CCND2: variants seen among roughly 807,000 people sequenced by gnomAD.
CCND2 encodes G1/S-specific cyclin-D2.
Under a neutral mutation model 30.2 loss-of-function variants are expected in CCND2, and 6 were observed. The ratio of observed to expected loss-of-function variants is 0.20; its 90% CI spans 0.11 to 0.39. The LOEUF (loss-of-function observed/expected upper bound fraction) is 0.39. Ranked by LOEUF, CCND2 falls within the 10% of genes least tolerant of loss-of-function variation. The pLI, the probability that CCND2 is intolerant of heterozygous loss-of-function variation, is 1.00. For synonymous variants in CCND2, 150 were observed against 153.1 expected (o/e 0.98, Z 0.15); for missense variants, 235 against 373.4 (o/e 0.63, Z 3.06).
chr12:4,283,395 A>G (rs1863979457), intron 3 of CCND2, among the ~76,000 whole-genome samples: 1 of 152,162 alleles, frequency 6.6e-6, no homozygotes, highest in Non-Finnish European at 1.5e-5. Context: ...CCTGAGTGGT[A>G]TATGGGAGGT....
At chr12:4,278,412 G>A (rs1463222454) in intron 2 of CCND2, among the ~76,000 whole-genome samples, 5 of 152,108 alleles carry the variant, frequency 3.3e-5, no homozygotes, top group African/African-American at 1.2e-4. Flanking sequence ...GTATCTCATT[G>A]TAGGTTCAGC....
rs1017941188 is a variant in CCND2, at chr12:4,300,340, C to A, written c.*331C>A. On this transcript the variant is annotated 3_prime_UTR_variant, in exon 5 of 5. Transcript: ENST00000261254. Reference sequence around the variant, plus strand: ...AATATGTATGCCTGCAATATGGGAACAAATTAGAGGAGACTTTTTTTTTTC... The same window carrying A: ...AATATGTATGCCTGCAATATGGGAAAAAATTAGAGGAGACTTTTTTTTTTC... The A allele has an allele frequency of 1.1e-5, 3 of 279,284 alleles. No homozygotes were observed. Among genetic ancestry groups the A allele is most frequent in the African/African-American group, 4.3e-5 (2 of 46,810 alleles). 17.3% of individuals were successfully genotyped at this position (279,284 alleles called of 1,614,324 possible).
chr12:4,278,005 T>TC (rs2076234820), intron 2 of CCND2, among the ~76,000 whole-genome samples: 1 of 152,210 alleles, frequency 6.6e-6, no homozygotes, highest in African/African-American at 2.4e-5. Context: ...GGTTGTGTGG[T>TC]CCCCACACTT....
chr12:4,285,319 G>A lies in CCND2; in HGVS notation c.572-3523G>A. 2.0e-6 allele frequency: 2 copies of A among 985,444 alleles called. No individual in the cohort carries two copies. The highest frequency in any genetic ancestry group is 2.4e-6 in the Non-Finnish European group (2 of 829,942). 61.0% of individuals were successfully genotyped at this position (985,444 alleles called of 1,614,324 possible). ...TCACCAGCATCTCACCTCTCCAGGTGGGCAATTAACGATGGCGAGGGCACA... is the reference window on the plus strand; with the variant it reads ...TCACCAGCATCTCACCTCTCCAGGTAGGCAATTAACGATGGCGAGGGCACA... On this transcript the variant is annotated intron_variant, in intron 3 of 4. Coordinates refer to ENST00000261254, the MANE Select transcript of CCND2 (RefSeq NM_001759.4). The surrounding 1 kb of genome is among the most constrained non-coding windows in gnomAD (Gnocchi z 4.1).
Position 4,273,856 on chromosome 12 carries a change from C to T in CCND2, c.-185C>T. 2 of 634,772 alleles carry T rather than the reference C, an allele frequency of 3.2e-6. No individual in the cohort carries two copies. The highest frequency in any genetic ancestry group is 3.9e-5 in the South Asian group (2 of 51,602). The allele number at this position is 634,772 out of a possible 1,614,324, so 39.3% of individuals were successfully genotyped here. On this transcript the variant is annotated 5_prime_UTR_variant, in exon 1 of 5. Transcript: ENST00000261254. This position sits in a 1 kb window ranked among gnomAD's most constrained non-coding sequence, Gnocchi z 5.9. Reference sequence around the variant, plus strand: ...CCCCGAGGCTCTGCTCGCCCACCACCCAATCCTCGCCTCCCTTCTGCTCCA... The same window carrying T: ...CCCCGAGGCTCTGCTCGCCCACCACTCAATCCTCGCCTCCCTTCTGCTCCA...
chr12:4,275,220 C>T (rs1486073999), intron 1 of CCND2: 2 of 151,990 alleles, frequency 1.3e-5, no homozygotes, highest in South Asian at 2.1e-4. Flanking sequence ...GGGCCGCAGC[C>T]GGACACTCCC....
rs994335513 is a variant in CCND2, at chr12:4,293,398, TTAAAAAC to T, written c.720+4409_720+4415del. On this transcript the variant is annotated intron_variant, in intron 4 of 4. Transcript: ENST00000261254. This position sits in a 1 kb window ranked among gnomAD's most constrained non-coding sequence, Gnocchi z 4.9. The stretch of plus-strand genomic sequence containing the variant: ...ACATCAAAACTCTTTGTCACATTCT[TTAAAAAC>T]AAAAAGCAAAAAACAAAACTTTAGA... Among the ~76,000 whole-genome samples the T allele has an allele frequency of 5.3e-5, 8 of 152,312 alleles. No individual in the cohort carries two copies. The East Asian group carries it at 1.5e-3, about 29-fold the overall frequency.
In CCND2 at chr12:4,276,118, T is replaced by A; in HGVS notation, c.309T>A (p.Ala103=). 6.2e-7 allele frequency: 1 copy of A among 1,614,202 alleles called. No individual in the cohort carries two copies. Among genetic ancestry groups the A allele is most frequent in the Non-Finnish European group, 8.5e-7 (1 of 1,180,040 alleles). ...TPKSHLQLLG[A]VCMFLASKLK... is the part of the protein sequence containing the mutation. ...AGTCCCATCTGCAACTCCTGGGTGC[T>A]GTCTGCATGTTCCTGGCCTCCAAAC... Residue 103 remains alanine (A), a synonymous_variant, in exon 2 of 5, where the codon GCT becomes GCA. Transcript: ENST00000261254. This position sits in a 1 kb window ranked among gnomAD's most constrained non-coding sequence, Gnocchi z 4.8.
At position 4,278,923 on chromosome 12, in the gene CCND2, A is replaced by AGATGAGGT. The variant is rs1421286619; in HGVS notation, c.571+11_571+12insTGATGAGG. 6 of 1,607,446 alleles carry AGATGAGGT rather than the reference A, an allele frequency of 3.7e-6. No homozygotes were observed. The East Asian group carries it at 1.3e-4, about 36-fold the overall frequency. On this transcript the variant is annotated splice_donor_region_variant and intron_variant, in intron 3 of 4. Transcript: ENST00000261254. The stretch of plus-strand genomic sequence containing the variant: ...TTCATTGCTCTGTGTGCCACCGGTA[A>AGATGAGGT]GATGAGGCTTGAGCCGGGGAGGGAG...
At position 4,285,662 on chromosome 12, in the gene CCND2, G is replaced by A. The variant is rs559843469; in HGVS notation, c.572-3180G>A. On this transcript the variant is annotated intron_variant, in intron 3 of 4. Coordinates refer to ENST00000261254, the MANE Select transcript of CCND2 (RefSeq NM_001759.4). The surrounding 1 kb of genome is among the most constrained non-coding windows in gnomAD (Gnocchi z 4.1). ...GATATTGTGACCATTTCTCCATCCT[G>A]TCATAGCGACAAAGCTGATGGTTTC... Among the ~76,000 whole-genome samples, 14 of 152,296 alleles carry A rather than the reference G, an allele frequency of 9.2e-5. 1 individual carries two copies. The South Asian group carries it at 2.9e-3, about 32-fold the overall frequency.
intron 4 of CCND2, among the ~76,000 whole-genome samples, chr12:4,291,475 T>C (rs1372911343): frequency 1.3e-5 from 2 of 152,072 alleles, no homozygotes; most frequent in African/African-American, 4.8e-5. Context: ...GAAGTTGGGG[T>C]GGATGGTGGC....
intron 4 of CCND2, among the ~76,000 whole-genome samples, chr12:4,292,083 A>G (rs1321522233): frequency 6.6e-6 from 1 of 152,208 alleles, no homozygotes; most frequent in Non-Finnish European, 1.5e-5. Context: ...TGTACATTTA[A>G]AAGTGGCTGA....
intron 4 of CCND2, among the ~76,000 whole-genome samples, chr12:4,291,680 G>A (rs1261322065): frequency 1.3e-5 from 2 of 152,128 alleles, no homozygotes; most frequent in South Asian, 2.1e-4. Flanking sequence ...GTAGAATGCC[G>A]GCCTCCCAGC....
At chr12:4,278,662 G>A (rs933435181) in intron 2 of CCND2, 98 bp from the exon 3 acceptor site, 17 of 1,166,804 alleles carry the variant, frequency 1.5e-5, no homozygotes, top group East Asian at 2.4e-5. Context: ...CCTAATGAGC[G>A]GCCTTAAAAC....
intron 3 of CCND2, among the ~76,000 whole-genome samples, chr12:4,283,225 C>A (rs3217827): frequency 0.43 from 64,642 of 152,076 alleles, 14,312 homozygotes; most frequent in Middle Eastern, 0.56. Flanking sequence ...GGGAGCCCAG[C>A]GGGACCCCCA....
At position 4,299,935 on chromosome 12, in the gene CCND2, C is replaced by T. The variant is rs1487732338; in HGVS notation, c.796C>T (p.Arg266Cys). 3 of 1,614,136 alleles carry T rather than the reference C, an allele frequency of 1.9e-6. No homozygotes were observed. The highest frequency in any genetic ancestry group is 3.3e-5 in the Admixed American group (2 of 60,028). Residue 266 changes from arginine (R) to cysteine (C), a missense_variant, in exon 5 of 5, where the codon CGT becomes TGT. Around this residue, in one of 2 missense-constraint regions of CCND2, gnomAD observed 57 missense variants for 50.7 expected, o/e 1.12. Coordinates refer to ENST00000261254, the MANE Select transcript of CCND2 (RefSeq NM_001759.4). The surrounding 1 kb of genome is among the most constrained non-coding windows in gnomAD (Gnocchi z 5.2). ...CCTGCAGCAGTACCGTCAGGACCAA[C>T]GTGACGGATCCAAGTCGGAGGATGA... is the stretch of plus-strand genomic sequence containing the variant. ...NSLQQYRQDQ[R>C]DGSKSEDELD...
chr12:4,281,270 T>C (rs1457117314), intron 3 of CCND2, among the ~76,000 whole-genome samples: 1 of 152,214 alleles, frequency 6.6e-6, no homozygotes, highest in African/African-American at 2.4e-5. Context: ...CTTGGGTTTG[T>C]GCAACTGACT....
In CCND2 at chr12:4,301,825, C is replaced by T. The variant is rs1402031106; in HGVS notation, c.*1816C>T. The T allele has an allele frequency of 4.4e-6, 1 of 229,636 alleles. No homozygotes were observed. The highest frequency in any genetic ancestry group is 8.6e-6 in the Non-Finnish European group (1 of 116,100). 14.2% of individuals were successfully genotyped at this position (229,636 alleles called of 1,614,324 possible). A position where few individuals can be genotyped will look rare whatever the true frequency, so the allele number is the denominator to read the frequency against. Reference sequence around the variant, plus strand: ...ATATATTATTTTACTGCTTAAATTCCAAGTCCTGAAGTAGATGGTTGAGAT... The same window carrying T: ...ATATATTATTTTACTGCTTAAATTCTAAGTCCTGAAGTAGATGGTTGAGAT... On this transcript the variant is annotated 3_prime_UTR_variant, in exon 5 of 5. Transcript: ENST00000261254.
chr12:4,285,503 A>G lies in CCND2; in HGVS notation c.572-3339A>G. ...AACTCATCTGTGTTTCTCCCACCTAACAGAACAGCTTTTATTTTCCGTGCA... is the reference window on the plus strand; with the variant it reads ...AACTCATCTGTGTTTCTCCCACCTAGCAGAACAGCTTTTATTTTCCGTGCA... On this transcript the variant is annotated intron_variant, in intron 3 of 4. Coordinates refer to ENST00000261254, the MANE Select transcript of CCND2 (RefSeq NM_001759.4). This position sits in a 1 kb window ranked among gnomAD's most constrained non-coding sequence, Gnocchi z 4.1. 2 of 788,292 alleles carry G rather than the reference A, an allele frequency of 2.5e-6. No individual in the cohort carries two copies. Among genetic ancestry groups the G allele is most frequent in the Non-Finnish European group, 3.1e-6 (2 of 650,116 alleles). 48.8% of individuals were successfully genotyped at this position (788,292 alleles called of 1,614,324 possible). A position where few individuals can be genotyped will look rare whatever the true frequency, so the allele number is the denominator to read the frequency against.
Sources: allele counts gnomAD v4.1 joint callset (sites outside exome capture counted in the v4.1 genomes callset), GRCh38; gene constraint gnomAD v4.1.1; regional missense constraint gnomAD v4.1.1; non-coding constraint Gnocchi (gnomAD v3.1); transcripts MANE v1.5; gene names NCBI Gene and HGNC (gene_info 2026-07-23, HGNC 2026-07-21).